Variants in NOVA1 observed in about 807,000 individuals in gnomAD.
NOVA1 encodes RNA-binding protein Nova-1.
A neutral mutation model predicts 38.0 loss-of-function variants in NOVA1; 7 were observed. The ratio of observed to expected loss-of-function variants is 0.18; its 90% CI spans 0.10 to 0.35. The LOEUF is 0.35. NOVA1 is among the 10% of genes least tolerant of loss of function. The pLI, the probability that NOVA1 is intolerant of heterozygous loss-of-function variation, is 1.00. For synonymous variants in NOVA1, 270 were observed against 232.5 expected, an observed-to-expected ratio of 1.16 and a Z score of -1.47; for missense variants, 460 against 616.0, an observed-to-expected ratio of 0.75 and a Z score of 2.68.
rs149609568 is a variant in NOVA1 at position 26,516,258 on chromosome 14, T to C, written c.281-36115A>G. 4.0e-3 allele frequency among the ~76,000 whole-genome samples: 604 copies of C among 152,318 alleles called. 26 individuals carry two copies. The highest frequency in any genetic ancestry group is 0.036 in the Admixed American group (548 of 15,294). ...TGGGTTATATTTTTTCCTTATTGATTTGAAGGCATTCTATGCATACTGTAT... is the reference window on the plus strand; with the variant it reads ...TGGGTTATATTTTTTCCTTATTGATCTGAAGGCATTCTATGCATACTGTAT... On this transcript the variant is annotated intron_variant, in intron 2 of 4. Transcript: ENST00000539517.
chr14:26,556,365 T>C (rs577721158), intron 2 of NOVA1, among the ~76,000 whole-genome samples: 3 of 152,134 alleles, frequency 2.0e-5, no homozygotes, highest in Non-Finnish European at 4.4e-5. Flanking sequence ...GTCAACTGAT[T>C]TTTCACTAAA....
At chr14:26,540,582 T>A (rs1315655976) in intron 2 of NOVA1, among the ~76,000 whole-genome samples, 1 of 152,230 alleles carries the variant, frequency 6.6e-6, no homozygotes, top group Non-Finnish European at 1.5e-5. Flanking sequence ...ACTAGCATAC[T>A]ATAAGTAAAA....
chr14:26,462,546 A>T (rs1040062994), intron 4 of NOVA1, among the ~76,000 whole-genome samples: 3 of 152,230 alleles, frequency 2.0e-5, no homozygotes, highest in African/African-American at 7.2e-5. Context: ...GGTAATTTTG[A>T]TATAAAGCTA....
At chr14:26,537,227 G>C (rs928500937) in intron 2 of NOVA1, among the ~76,000 whole-genome samples, 1 of 151,018 alleles carries the variant, frequency 6.6e-6, no homozygotes, top group African/African-American at 2.4e-5. Context: ...AAAAATGAAG[G>C]GTATATTATT....
chr14:26,562,701 AAAGACAGCGATAATG>A (rs1314790671), intron 2 of NOVA1, among the ~76,000 whole-genome samples: 1 of 152,156 alleles, frequency 6.6e-6, no homozygotes, highest in Non-Finnish European at 1.5e-5. Flanking sequence ...GAAACCCCAG[AAAGACAGCGATAATG>A]TTAGCGCTGA....
At chr14:26,486,481 G>A (rs893333833) in intron 2 of NOVA1, among the ~76,000 whole-genome samples, 8 of 151,764 alleles carry the variant, frequency 5.3e-5, no homozygotes, top group Non-Finnish European at 1.0e-4. Context: ...AGGCTGAGGC[G>A]GGCGGATCAT....
At chr14:26,500,430 C>T (rs1264421974) in intron 2 of NOVA1, among the ~76,000 whole-genome samples, 1 of 151,602 alleles carries the variant, frequency 6.6e-6, no homozygotes, top group Non-Finnish European at 1.5e-5. Context: ...AGGGGCCATC[C>T]CAGGAAAAGA....
chr14:26,470,830 A>C (rs1884530453), intron 4 of NOVA1, among the ~76,000 whole-genome samples: 1 of 152,036 alleles, frequency 6.6e-6, no homozygotes, highest in Non-Finnish European at 1.5e-5. Context: ...TTTTATTTGT[A>C]TTGTGGTTGT....
intron 2 of NOVA1, among the ~76,000 whole-genome samples, chr14:26,591,998 A>C (rs1893879598): frequency 6.6e-6 from 1 of 151,558 alleles, no homozygotes; most frequent in African/African-American, 2.4e-5. Flanking sequence ...CCAACACTAT[A>C]ATGAAGGATT....
intron 4 of NOVA1, among the ~76,000 whole-genome samples, chr14:26,453,559 A>G (rs924636141): frequency 2.0e-5 from 3 of 152,178 alleles, no homozygotes; most frequent in Admixed American, 6.5e-5. Context: ...AAGAACTTCT[A>G]TAACAATCCT....
chr14:26,584,822 T>C (rs1359632735), intron 2 of NOVA1, among the ~76,000 whole-genome samples: 1 of 151,440 alleles, frequency 6.6e-6, no homozygotes, highest in Admixed American at 6.6e-5. Flanking sequence ...CTAACAGAGA[T>C]AATTTCAACT....
chr14:26,492,989 C>T (rs905236601), intron 2 of NOVA1, among the ~76,000 whole-genome samples: 2 of 151,916 alleles, frequency 1.3e-5, no homozygotes, highest in African/African-American at 4.8e-5. Flanking sequence ...CATACCACAA[C>T]ATATTTAGAA....
chr14:26,549,720 G>A (rs1594515943), intron 2 of NOVA1: 2 of 1,288,458 alleles, frequency 1.6e-6, no homozygotes, highest in Non-Finnish European at 2.0e-6. Flanking sequence ...TCTGCAGATG[G>A]CACAGTGGAG....
intron 2 of NOVA1, among the ~76,000 whole-genome samples, chr14:26,494,928 C>T (rs371278567): frequency 6.6e-6 from 1 of 152,186 alleles, no homozygotes; most frequent in Non-Finnish European, 1.5e-5. Context: ...GGCTTCTCAT[C>T]TCATATTAAG....
At chr14:26,561,760 T>C (rs1316056064) in intron 2 of NOVA1, among the ~76,000 whole-genome samples, 2 of 152,192 alleles carry the variant, frequency 1.3e-5, no homozygotes, top group African/African-American at 4.8e-5. Context: ...TGTCTATTTA[T>C]AATGTTTAAT....
chr14:26,446,073 T>TTTTA lies in NOVA1; in HGVS notation c.*1885_*1886insTAAA, dbSNP rs1203498321. 2 of 152,576 alleles carry TTTTA rather than the reference T, an allele frequency of 1.3e-5. No individual in the cohort carries two copies. Among genetic ancestry groups the TTTTA allele is most frequent in the East Asian group, 3.9e-4 (2 of 5,172 alleles). 9.5% of individuals were successfully genotyped at this position (152,576 alleles called of 1,614,324 possible). ...CTTTTCTCTTTCATTTAAACAAGCA[T>TTTTA]ATCATTCCCTTTTAAAATCATTCTC... On this transcript the variant is annotated 3_prime_UTR_variant, in exon 5 of 5. Transcript: ENST00000539517.
chr14:26,471,159 C>T (rs1884557263), intron 4 of NOVA1, among the ~76,000 whole-genome samples: 1 of 151,866 alleles, frequency 6.6e-6, no homozygotes, highest in Non-Finnish European at 1.5e-5. Flanking sequence ...TTGAAGGGAA[C>T]GCTATTGCAT....
At position 26,448,595 on chromosome 14, in the gene NOVA1, G is replaced by A. The variant is rs148779283; in HGVS notation, c.888C>T (p.Gly296=). The change falls in exon 5 of 5, where the codon GGC becomes GGT. Residue 296 remains glycine (G), a synonymous_variant. Transcript: ENST00000539517. This position sits in a 1 kb window ranked among gnomAD's most constrained non-coding sequence, Gnocchi z 5.3. ...AGLLGHANLA[G]VAAFPAVLSG... The stretch of plus-strand genomic sequence containing the variant: ...ATAAAACTGCTGGAAAGGCTGCAAC[G>A]CCAGCAAGGTTAGCATGTCCTAATA... 1.2e-4 allele frequency: 196 copies of A among 1,614,186 alleles called. 2 individuals carry two copies. The South Asian group carries it at 1.6e-3, about 13-fold the overall frequency.
At chr14:26,454,559 C>A in intron 4 of NOVA1, among the ~76,000 whole-genome samples, 1 of 152,108 alleles carries the variant, frequency 6.6e-6, no homozygotes, top group Non-Finnish European at 1.5e-5. Context: ...AAAGCCATCA[C>A]AGAGGAAATA....
Sources: allele counts gnomAD v4.1 joint callset (sites outside exome capture counted in the v4.1 genomes callset), GRCh38; gene constraint gnomAD v4.1.1; non-coding constraint Gnocchi (gnomAD v3.1); transcripts MANE v1.5; gene names NCBI Gene and HGNC (gene_info 2026-07-23, HGNC 2026-07-21).